TBC1D5: variants seen among roughly 807,000 people sequenced by gnomAD.
The protein encoded by TBC1D5 is TBC1 domain family, member 5.
In TBC1D5, 75 loss-of-function variants were observed where a neutral mutation model predicts 100.3. The observed-to-expected ratio is 0.75, with a 90% confidence interval of 0.62 to 0.91. The LOEUF (loss-of-function observed/expected upper bound fraction) is 0.91. Among genes scored for constraint, TBC1D5 ranks in the 40% least tolerant of loss-of-function variants. The pLI, the probability that TBC1D5 is intolerant of heterozygous loss-of-function variation, is 0.00. For synonymous variants in TBC1D5, 323 were observed against 325.6 expected (o/e 0.99, Z 0.09); for missense variants, 910 against 942.4 (o/e 0.97, Z 0.45).
At chr3:17,694,482 G>C (rs183800662) in intron 1 of TBC1D5, among the ~76,000 whole-genome samples, 2 of 152,194 alleles carry the variant, frequency 1.3e-5, no homozygotes, top group African/African-American at 2.4e-5. Flanking sequence ...TGATCAACTA[G>C]AAGAAAGGGT....
chr3:17,260,826 TTTAA>T (rs1488192787), intron 15 of TBC1D5, among the ~76,000 whole-genome samples: 2 of 152,238 alleles, frequency 1.3e-5, no homozygotes, highest in Non-Finnish European at 2.9e-5. Context: ...TGATATTTTA[TTTAA>T]TTCAGTATAT....
At chr3:17,160,984 A>C in exon 22 of TBC1D5, 1 of 1,614,012 alleles carries the variant, frequency 6.2e-7, no homozygotes, top group East Asian at 2.2e-5. Flanking sequence ...GGGGACTCAC[A>C]ATGGTGAAGC....
intron 1 of TBC1D5, among the ~76,000 whole-genome samples, chr3:17,696,072 C>G (rs1034330730): frequency 2.0e-5 from 3 of 152,066 alleles, no homozygotes; most frequent in Admixed American, 2.0e-4. Flanking sequence ...ACACAATGTA[C>G]CAGAATCTCT....
intron 14 of TBC1D5, among the ~76,000 whole-genome samples, chr3:17,304,820 A>G (rs1165795781): frequency 6.6e-6 from 1 of 152,102 alleles, no homozygotes; most frequent in African/African-American, 2.4e-5. Context: ...CCTGCCTCCA[A>G]TGTCTAACGA....
chr3:17,325,203 G>C (rs1303437466), intron 13 of TBC1D5, among the ~76,000 whole-genome samples: 1 of 149,152 alleles, frequency 6.7e-6, no homozygotes. Context: ...AAAACCCACA[G>C]GTCCTCCAAC....
At chr3:17,300,933 G>C (rs1254668520) in intron 14 of TBC1D5, among the ~76,000 whole-genome samples, 1 of 151,942 alleles carries the variant, frequency 6.6e-6, no homozygotes, top group African/African-American at 2.4e-5. Context: ...TTAGCTGGGC[G>C]TGGTGGCATG....
chr3:17,322,968 A>G (rs927342803), intron 13 of TBC1D5, among the ~76,000 whole-genome samples: 5 of 152,252 alleles, frequency 3.3e-5, no homozygotes, highest in Non-Finnish European at 5.9e-5. Flanking sequence ...TGGGTAGAAC[A>G]TACATTAGAA....
At chr3:17,359,018 ATTTC>A (rs1448643654) in intron 13 of TBC1D5, among the ~76,000 whole-genome samples, 2 of 152,074 alleles carry the variant, frequency 1.3e-5, no homozygotes, top group Non-Finnish European at 2.9e-5. Flanking sequence ...AACAAATAAT[ATTTC>A]TTTTTCTGCA....
At chr3:17,393,271 G>A (rs902709296) in intron 8 of TBC1D5, among the ~76,000 whole-genome samples, 2 of 152,022 alleles carry the variant, frequency 1.3e-5, no homozygotes, top group African/African-American at 4.8e-5. Context: ...TACAAGGGAT[G>A]TGAAGGACCT....
intron 3 of TBC1D5, among the ~76,000 whole-genome samples, chr3:17,457,699 GT>G (rs553215428): frequency 4.4e-4 from 64 of 146,876 alleles, no homozygotes; most frequent in East Asian, 9.9e-4. Flanking sequence ...TATTTTGAGT[GT>G]TTTTTTTTTC....
intron 2 of TBC1D5, among the ~76,000 whole-genome samples, chr3:17,567,165 T>G (rs1326934371): frequency 6.6e-6 from 1 of 151,758 alleles, no homozygotes; most frequent in Non-Finnish European, 1.5e-5. Context: ...CTCAAGTAAA[T>G]CATTTTGTTT....
intron 2 of TBC1D5, among the ~76,000 whole-genome samples, chr3:17,557,354 A>G (rs893434353): frequency 3.9e-5 from 6 of 152,212 alleles, no homozygotes; most frequent in African/African-American, 1.4e-4. Context: ...ATAAAATAAC[A>G]TTCCATTTGG....
intron 13 of TBC1D5, among the ~76,000 whole-genome samples, chr3:17,340,950 T>C (rs1052158467): frequency 6.6e-6 from 1 of 152,238 alleles, no homozygotes; most frequent in Non-Finnish European, 1.5e-5. Context: ...CAACAGGCAC[T>C]GGCTTCTGCA....
chr3:17,298,797 T>C (rs1337275072), intron 14 of TBC1D5, among the ~76,000 whole-genome samples: 1 of 152,158 alleles, frequency 6.6e-6, no homozygotes, highest in South Asian at 2.1e-4. Flanking sequence ...CAGACTTCAT[T>C]CATCTGACTA....
At chr3:17,441,383 T>A (rs1238795277) in intron 3 of TBC1D5, among the ~76,000 whole-genome samples, 1 of 152,142 alleles carries the variant, frequency 6.6e-6, no homozygotes, top group Non-Finnish European at 1.5e-5. Flanking sequence ...ACAGTGACTG[T>A]GGGAGGTTGC....
intron 18 of TBC1D5, among the ~76,000 whole-genome samples, chr3:17,201,503 C>G (rs1559398538): frequency 6.6e-6 from 1 of 152,096 alleles, no homozygotes; most frequent in African/African-American, 2.4e-5. Flanking sequence ...GGTAAAGGTG[C>G]CTGATATGGT....
chr3:17,231,663 A>G (rs899533664), intron 17 of TBC1D5, among the ~76,000 whole-genome samples: 1 of 152,022 alleles, frequency 6.6e-6, no homozygotes, highest in African/African-American at 2.4e-5. Flanking sequence ...TTCTGCTACC[A>G]CTATTTTGGT....
At chr3:17,704,415 C>G (rs1340550187) in intron 1 of TBC1D5, among the ~76,000 whole-genome samples, 3 of 151,324 alleles carry the variant, frequency 2.0e-5, no homozygotes, top group Non-Finnish European at 4.4e-5. Context: ...TCATCCTGGC[C>G]CGTTCTCAAT....
intron 13 of TBC1D5, chr3:17,333,200 G>T (rs1447890964): frequency 6.6e-6 from 1 of 152,230 alleles, no homozygotes; most frequent in Non-Finnish European, 1.5e-5. Flanking sequence ...AAAAACTTTA[G>T]GGTTCAAAAC....
Sources: gnomAD v4.1 joint callset for allele counts (sites outside exome capture counted in the v4.1 genomes callset) on GRCh38, gnomAD v4.1.1 for gene constraint, MANE v1.5 for transcripts, NCBI Gene and HGNC (gene_info 2026-07-23, HGNC 2026-07-21) for gene names.